PML: variants seen among roughly 807,000 people sequenced by gnomAD.
PML encodes protein PML.
A neutral mutation model predicts 65.2 loss-of-function variants in PML; 28 were observed. The ratio of observed to expected loss-of-function variants is 0.43; its 90% CI spans 0.32 to 0.59. PML has a LOEUF of 0.59. Ranked by LOEUF, PML falls within the 20% of genes least tolerant of loss-of-function variation. The probability of loss-of-function intolerance (pLI) is 0.08; values close to 1 mark genes in which losing one functional copy is unlikely to be tolerated. For synonymous variants in PML, 500 were observed against 508.8 expected (o/e 0.98, Z 0.23); for missense variants, 1,021 against 1,203.4 (o/e 0.85, Z 2.24).
rs961603727 is a variant in PML, at chr15:74,035,680, C to G, written c.1710+1150C>G. ...CGCAGCCGCTCCCTCCGGGGCTCCT[C>G]CCATTTATCCCAGTGGCTCAACAAC... On this transcript the variant is annotated intron_variant, in intron 7 of 8. Coordinates refer to ENST00000268058, the MANE Select transcript of PML (RefSeq NM_033238.3). This position sits in a 1 kb window ranked among gnomAD's most constrained non-coding sequence, Gnocchi z 4.1. 1 of 1,613,996 alleles carries G rather than the reference C, an allele frequency of 6.2e-7. No individual in the cohort carries two copies. The highest frequency in any genetic ancestry group is 1.3e-5 in the African/African-American group (1 of 74,926).
chr15:74,030,747 C>G (rs1294834887), intron 4 of PML, among the ~76,000 whole-genome samples: 1 of 152,140 alleles, frequency 6.6e-6, no homozygotes, highest in Non-Finnish European at 1.5e-5. Flanking sequence ...TCACCTCTCT[C>G]TGCCTCCGTT....
Position 74,035,952 on chromosome 15 carries a change from G to A in PML, c.1710+1422G>A. On this transcript the variant is annotated intron_variant, in intron 7 of 8. Coordinates refer to ENST00000268058, the MANE Select transcript of PML (RefSeq NM_033238.3). The surrounding 1 kb of genome is among the most constrained non-coding windows in gnomAD (Gnocchi z 4.1). ...AGGCGCCCGTCAAGCAGGCCTCTGAGAGTGCTACCCTTCTCTTGTAACCTT... is the reference window on the plus strand; with the variant it reads ...AGGCGCCCGTCAAGCAGGCCTCTGAAAGTGCTACCCTTCTCTTGTAACCTT... 1 of 1,614,100 alleles carries A rather than the reference G, an allele frequency of 6.2e-7. No individual in the cohort carries two copies. Among genetic ancestry groups the A allele is most frequent in the Non-Finnish European group, 8.5e-7 (1 of 1,180,038 alleles).
Position 74,035,467 on chromosome 15 carries a change from G to T in PML, c.1710+937G>T, listed in dbSNP as rs570306547. On this transcript the variant is annotated intron_variant, in intron 7 of 8. Transcript: ENST00000268058. The surrounding 1 kb of genome is among the most constrained non-coding windows in gnomAD (Gnocchi z 4.1). ...AGAGCACAGAGAGCCATCCGCCTTCGCCATGCCCTCCGCTTGCACCCTCAA... is the reference window on the plus strand; with the variant it reads ...AGAGCACAGAGAGCCATCCGCCTTCTCCATGCCCTCCGCTTGCACCCTCAA... 3.1e-6 allele frequency: 5 copies of T among 1,612,316 alleles called. No individual in the cohort carries two copies. The highest frequency in any genetic ancestry group is 2.2e-5 in the South Asian group (2 of 91,076).
Position 74,034,945 on chromosome 15 carries a change from C to CAAACAAGTG in PML, c.1710+417_1710+425dup, listed in dbSNP as rs1201648752. The CAAACAAGTG allele has an allele frequency of 2.7e-6, 4 of 1,459,296 alleles. No homozygotes were observed. In the African/African-American group the frequency reaches 5.7e-5, roughly 21 times the overall value. 90.4% of individuals were successfully genotyped at this position (1,459,296 alleles called of 1,614,324 possible). On this transcript the variant is annotated intron_variant, in intron 7 of 8. Transcript: ENST00000268058. ...GGCCACAGGGCAGCTATATAGGGGC[C>CAAACAAGTG]AAACAAGTGAGGTTTGACTCCATCC...
In PML at chr15:74,035,667, C is replaced by T. The variant is rs2071523621; in HGVS notation, c.1710+1137C>T. On this transcript the variant is annotated intron_variant, in intron 7 of 8. Transcript: ENST00000268058. The surrounding 1 kb of genome is among the most constrained non-coding windows in gnomAD (Gnocchi z 4.1). ...GGCTGTGCGATCCCGCAGCCGCTCCCTCCGGGGCTCCTCCCATTTATCCCA... is the reference window on the plus strand; with the variant it reads ...GGCTGTGCGATCCCGCAGCCGCTCCTTCCGGGGCTCCTCCCATTTATCCCA... 6.2e-7 allele frequency: 1 copy of T among 1,614,134 alleles called. No individual in the cohort carries two copies. Among genetic ancestry groups the T allele is most frequent in the Non-Finnish European group, 8.5e-7 (1 of 1,180,024 alleles).
rs776759306 is a variant in PML at position 74,023,080 on chromosome 15, G to A, written c.855G>A (p.Gln285=). The A allele has an allele frequency of 1.2e-6, 2 of 1,602,950 alleles. No homozygotes were observed. The highest frequency in any genetic ancestry group is 1.3e-5 in the African/African-American group (1 of 74,858). The part of the protein sequence containing the change: ...TEELIRERVR[Q]VVAHVRAQER... ...AGCTGATCCGCGAGCGCGTGCGCCA[G>A]GTGGTAGCTCACGTGCGGGCTCAGG... The change falls in exon 3 of 9, where the codon CAG becomes CAA. Residue 285 remains glutamine (Q), a synonymous_variant. Coordinates refer to ENST00000268058, the MANE Select transcript of PML (RefSeq NM_033238.3).
rs2069550944 is a variant in PML, at chr15:73,997,173, C to T, written c.130-831C>T. Among the ~76,000 whole-genome samples, 3 of 152,156 alleles carry T rather than the reference C, an allele frequency of 2.0e-5. No homozygotes were observed. The South Asian group carries it at 6.2e-4, about 32-fold the overall frequency. ...AGACGTACTTTCAATTTTCCATCTG[C>T]CCTGCAGGAAATGGGGTGATTTGCA... On this transcript the variant is annotated intron_variant, in intron 1 of 8. Transcript: ENST00000268058.
chr15:74,045,074 C>G lies in PML; in HGVS notation c.*66C>G. Reference sequence around the variant, plus strand: ...AGGGATGGGGTCCCTGAGCCAGGCCCCACCCATCACAGCATTCCCAGGTCC... The same window carrying G: ...AGGGATGGGGTCCCTGAGCCAGGCCGCACCCATCACAGCATTCCCAGGTCC... On this transcript the variant is annotated 3_prime_UTR_variant, in exon 9 of 9. Coordinates refer to ENST00000268058, the MANE Select transcript of PML (RefSeq NM_033238.3). 1.4e-6 allele frequency: 2 copies of G among 1,392,022 alleles called. No individual in the cohort carries two copies. The highest frequency in any genetic ancestry group is 9.7e-7 in the Non-Finnish European group (1 of 1,028,256). The allele number at this position is 1,392,022 out of a possible 1,614,324, so 86.2% of individuals were successfully genotyped here.
intron 2 of PML, among the ~76,000 whole-genome samples, chr15:74,022,542 G>T (rs2141832151): frequency 6.6e-6 from 1 of 152,318 alleles, no homozygotes; most frequent in East Asian, 1.9e-4. Context: ...CCTCGGTGGG[G>T]AAGGGAAATT....
At chr15:73,995,369 T>G (rs2069431040) in intron 1 of PML, among the ~76,000 whole-genome samples, 1 of 152,190 alleles carries the variant, frequency 6.6e-6, no homozygotes, top group Non-Finnish European at 1.5e-5. Flanking sequence ...AAAACCAACT[T>G]CCCAGATCCG....
At chr15:74,017,232 A>G (rs1408824651) in intron 2 of PML, among the ~76,000 whole-genome samples, 1 of 152,208 alleles carries the variant, frequency 6.6e-6, no homozygotes, top group East Asian at 1.9e-4. Context: ...TTTGTGATTC[A>G]TTGGAAGCAT....
At chr15:74,039,008 C>G (rs2071636468) in intron 7 of PML, among the ~76,000 whole-genome samples, 1 of 152,184 alleles carries the variant, frequency 6.6e-6, no homozygotes, top group African/African-American at 2.4e-5. Flanking sequence ...CCCTGGGGCC[C>G]CTGCTTTAGG....
At chr15:73,999,777 TAGG>T (rs1329696789) in intron 2 of PML, among the ~76,000 whole-genome samples, 1 of 152,166 alleles carries the variant, frequency 6.6e-6, no homozygotes, top group Non-Finnish European at 1.5e-5. Context: ...TGCAATAAAT[TAGG>T]AGAAATTGGC....
At chr15:74,002,447 T>TC (rs1325757040) in intron 2 of PML, among the ~76,000 whole-genome samples, 29 of 140,720 alleles carry the variant, frequency 2.1e-4, no homozygotes, top group African/African-American at 4.4e-4. Context: ...TTCTTTTCTT[T>TC]TTTTTTTTTT....
rs763529879 is a variant in PML, at chr15:74,033,264, C to T, written c.1507C>T (p.Arg503Trp). ...SEEGKEARLA[R>W]SSPEQPRPST... ...GGAGGGGAAGGAGGCAAGGTTGGCTCGGAGCTCCCCGGAGCAGCCCAGGCC... is the reference window on the plus strand; with the variant it reads ...GGAGGGGAAGGAGGCAAGGTTGGCTTGGAGCTCCCCGGAGCAGCCCAGGCC... Residue 503 changes from arginine to tryptophan, a missense_variant, in exon 6 of 9, where the codon CGG (arginine) becomes TGG (tryptophan). Physicochemically the swap from Arg to Trp is moderately radical, Grantham distance 101 (BLOSUM62 -3). Coordinates refer to ENST00000268058, the MANE Select transcript of PML (RefSeq NM_033238.3). 1.4e-5 allele frequency: 22 copies of T among 1,614,212 alleles called. No homozygotes were observed. Among genetic ancestry groups the T allele is most frequent in the East Asian group, 1.3e-4 (6 of 44,880 alleles).
At chr15:74,031,417 G>A (rs755327659) in intron 4 of PML, 2 of 281,524 alleles carry the variant, frequency 7.1e-6, no homozygotes, top group Non-Finnish European at 1.4e-5. Flanking sequence ...GGGACTACAG[G>A]TGTGCACCAC....
rs778153703 is a variant in PML at position 74,044,271 on chromosome 15, G to A, written c.1912G>A (p.Val638Met). Residue 638 changes from valine to methionine, a missense_variant, in exon 9 of 9, where the codon GTG becomes ATG. Physicochemically the swap from Val to Met is conservative, Grantham distance 21. Coordinates refer to ENST00000268058, the MANE Select transcript of PML (RefSeq NM_033238.3). Reference protein sequence around the residue: ...AAVNRESKFRVVIQPEAFFSI... With the variant: ...AAVNRESKFRMVIQPEAFFSI... ...GGTGAACCGGGAAAGCAAGTTCCGCGTGGTCATCCAGCCTGAAGCCTTCTT... is the reference window on the plus strand; with the variant it reads ...GGTGAACCGGGAAAGCAAGTTCCGCATGGTCATCCAGCCTGAAGCCTTCTT... The A allele has an allele frequency of 3.7e-6, 6 of 1,613,924 alleles. No homozygotes were observed. The highest frequency in any genetic ancestry group is 4.2e-6 in the Non-Finnish European group (5 of 1,180,028).
intron 2 of PML, among the ~76,000 whole-genome samples, chr15:74,006,175 G>A (rs1420757137): frequency 1.3e-5 from 2 of 152,128 alleles, no homozygotes; most frequent in Non-Finnish European, 2.9e-5. Flanking sequence ...TGGATCACCT[G>A]AGGTCAGGAG....
At position 74,035,411 on chromosome 15, in the gene PML, C is replaced by T. The variant is rs150442989; in HGVS notation, c.1710+881C>T. The T allele has an allele frequency of 2.0e-5, 32 of 1,611,912 alleles. No homozygotes were observed. The highest frequency in any genetic ancestry group is 1.9e-4 in the South Asian group (17 of 91,092). On this transcript the variant is annotated intron_variant, in intron 7 of 8. Transcript: ENST00000268058. The surrounding 1 kb of genome is among the most constrained non-coding windows in gnomAD (Gnocchi z 4.1). ...CTCCTGATCACCAGGAGCGCCCTGCCGTCCACCGTGGGATCCGCTACCTGT... is the reference window on the plus strand; with the variant it reads ...CTCCTGATCACCAGGAGCGCCCTGCTGTCCACCGTGGGATCCGCTACCTGT...
Sources: gnomAD v4.1 joint callset for allele counts (sites outside exome capture counted in the v4.1 genomes callset) on GRCh38, gnomAD v4.1.1 for gene constraint, Gnocchi (gnomAD v3.1) non-coding constraint, MANE v1.5 for transcripts, NCBI Gene and HGNC (gene_info 2026-07-23, HGNC 2026-07-21) for gene names.